The following PLXDC2 variants were observed in gnomAD, a reference collection of about 807,000 sequenced individuals.
The protein encoded by PLXDC2 is plexin domain-containing protein 2.
Under a neutral mutation model 68.9 loss-of-function variants are expected in PLXDC2, and 40 were observed. That is an observed-to-expected ratio of 0.58 (90% confidence interval 0.45 to 0.76). The LOEUF is 0.76. Ranked by LOEUF, PLXDC2 falls within the 30% of genes least tolerant of loss-of-function variation. The pLI is 0.00. For synonymous variants in PLXDC2, 243 were observed against 234.2 expected, an observed-to-expected ratio of 1.04 and a Z score of -0.34; for missense variants, 644 against 661.9, an observed-to-expected ratio of 0.97 and a Z score of 0.30.
chr10:20,057,183 A>G (rs1836013939), intron 3 of PLXDC2, among the ~76,000 whole-genome samples: 1 of 152,204 alleles, frequency 6.6e-6, no homozygotes, highest in Non-Finnish European at 1.5e-5. Context: ...TAAAGATTTT[A>G]CATGGCTCCT....
rs555663400 is a variant in PLXDC2 at position 20,178,439 on chromosome 10, A to G, written c.1061+1030A>G. 3.2e-4 allele frequency among the ~76,000 whole-genome samples: 49 copies of G among 152,224 alleles called. 1 individual carries two copies. In the South Asian group the frequency reaches 8.7e-3, roughly 27 times the overall value. On this transcript the variant is annotated intron_variant, in intron 9 of 13. Coordinates refer to ENST00000377252, the MANE Select transcript of PLXDC2 (RefSeq NM_032812.9). ...GAACACAGCAGTAAACAATATTGAC[A>G]TGGTCCCTGCCCCCCATGAAGTTTA...
chr10:20,072,504 A>AAAGAAAGAAAG (rs1491100314), intron 4 of PLXDC2, among the ~76,000 whole-genome samples: 5 of 89,660 alleles, frequency 5.6e-5, no homozygotes, highest in Middle Eastern at 4.6e-3. Context: ...AGAAAGAAAG[A>AAAGAAAGAAAG]AAGAAAGAAA....
chr10:19,927,713 C>CAAAA (rs35250324), intron 1 of PLXDC2, among the ~76,000 whole-genome samples: 438 of 53,090 alleles, frequency 8.3e-3, no homozygotes, highest in East Asian at 0.012. Flanking sequence ...GGAAAAAAAG[C>CAAAA]AAAAAAAAAA....
At chr10:19,869,474 G>T (rs1490672617) in intron 1 of PLXDC2, among the ~76,000 whole-genome samples, 7 of 126,368 alleles carry the variant, frequency 5.5e-5, no homozygotes, top group South Asian at 3.4e-4. Flanking sequence ...AGAAAGGGGG[G>T]GGGGGGAGAG....
At chr10:20,046,288 T>C (rs1835797131) in intron 2 of PLXDC2, among the ~76,000 whole-genome samples, 1 of 151,962 alleles carries the variant, frequency 6.6e-6, no homozygotes, top group Non-Finnish European at 1.5e-5. Flanking sequence ...TATTTAACAA[T>C]TTCCTCTAAA....
chr10:20,169,240 T>C (rs1028482424), intron 7 of PLXDC2, among the ~76,000 whole-genome samples: 9 of 152,192 alleles, frequency 5.9e-5, no homozygotes, highest in Non-Finnish European at 7.3e-5. Context: ...TTTGACAAAT[T>C]GCTTTCCATC....
chr10:19,932,502 GTTTA>G (rs772258375), intron 1 of PLXDC2, among the ~76,000 whole-genome samples: 4 of 152,232 alleles, frequency 2.6e-5, no homozygotes, highest in East Asian at 3.9e-4. Context: ...CTTCATTTAT[GTTTA>G]TTTGTTTCAC....
intron 4 of PLXDC2, among the ~76,000 whole-genome samples, chr10:20,095,547 T>C (rs1833339144): frequency 6.6e-6 from 1 of 152,142 alleles, no homozygotes. Context: ...TTTAAGATTT[T>C]AGGTAATTTG....
chr10:20,007,097 A>G (rs187553690), intron 2 of PLXDC2, among the ~76,000 whole-genome samples: 1 of 152,364 alleles, frequency 6.6e-6, no homozygotes, highest in Admixed American at 6.5e-5. Flanking sequence ...TTCAGGCAGG[A>G]TTGGATTCCA....
chr10:19,960,847 A>G (rs548710227), intron 1 of PLXDC2, among the ~76,000 whole-genome samples: 1 of 152,248 alleles, frequency 6.6e-6, no homozygotes. Context: ...TGCATAATCA[A>G]TTGGCATACA....
At chr10:19,988,647 A>G (rs1011996083) in intron 1 of PLXDC2, among the ~76,000 whole-genome samples, 26 of 152,068 alleles carry the variant, frequency 1.7e-4, no homozygotes, top group African/African-American at 5.6e-4. Context: ...CTCACTGTAC[A>G]GGGATAAAAT....
Position 20,279,724 on chromosome 10 carries a change from G to A in PLXDC2, c.1495G>A (p.Ala499Thr). ...FIERRPSRWP[A>T]MKFRRGSGHP... ...TCAGAGACGCCCAAGCAGATGGCCT[G>A]CGATGAAGTTTAGAAGAGGCTCTGG... The change falls in exon 14 of 14, where the codon GCG (alanine) becomes ACG (threonine). Residue 499 changes from alanine to threonine, a missense_variant. Coordinates refer to ENST00000377252, the MANE Select transcript of PLXDC2 (RefSeq NM_032812.9). 1 of 1,613,876 alleles carries A rather than the reference G, an allele frequency of 6.2e-7. No individual in the cohort carries two copies.
In PLXDC2 at chr10:20,072,816, A is replaced by C. The variant is rs137887862; in HGVS notation, c.541+4577A>C. ...ACTGTGGTTGGAAAGACTTCCAGACAAAAGGATCCACTAGGATGCAGTGAA... is the reference window on the plus strand; with the variant it reads ...ACTGTGGTTGGAAAGACTTCCAGACCAAAGGATCCACTAGGATGCAGTGAA... On this transcript the variant is annotated intron_variant, in intron 4 of 13. Coordinates refer to ENST00000377252, the MANE Select transcript of PLXDC2 (RefSeq NM_032812.9). Among the ~76,000 whole-genome samples the C allele has an allele frequency of 1.9e-3, 290 of 152,334 alleles. 1 individual carries two copies. The highest frequency in any genetic ancestry group is 6.6e-3 in the African/African-American group (276 of 41,580).
chr10:19,825,532 T>C (rs2131998662), intron 1 of PLXDC2, among the ~76,000 whole-genome samples: 1 of 152,188 alleles, frequency 6.6e-6, no homozygotes, highest in East Asian at 1.9e-4. Flanking sequence ...TCGATAATGT[T>C]TTTTGGGTAG....
intron 9 of PLXDC2, among the ~76,000 whole-genome samples, chr10:20,207,971 A>G (rs1196898891): frequency 6.6e-6 from 1 of 152,138 alleles, no homozygotes; most frequent in African/African-American, 2.4e-5. Flanking sequence ...GGGTTCTTAG[A>G]AAGAGCTATC....
intron 1 of PLXDC2, among the ~76,000 whole-genome samples, chr10:19,912,674 A>G (rs1390881641): frequency 3.3e-5 from 5 of 152,190 alleles, no homozygotes; most frequent in Admixed American, 6.5e-5. Context: ...AATAATTAAC[A>G]TTAGGAATAA....
chr10:19,905,410 C>T (rs12774164), intron 1 of PLXDC2, among the ~76,000 whole-genome samples: 1 of 152,054 alleles, frequency 6.6e-6, no homozygotes, highest in African/African-American at 2.4e-5. Context: ...TATTATTTCT[C>T]CTAACTGGGT....
At chr10:20,115,994 G>A (rs1435186165) in intron 4 of PLXDC2, among the ~76,000 whole-genome samples, 1 of 152,150 alleles carries the variant, frequency 6.6e-6, no homozygotes, top group Non-Finnish European at 1.5e-5. Flanking sequence ...GATAGAAAGT[G>A]GAATTTTTAA....
intron 2 of PLXDC2, among the ~76,000 whole-genome samples, chr10:20,034,141 T>C (rs1280860367): frequency 3.9e-5 from 6 of 152,206 alleles, no homozygotes; most frequent in Non-Finnish European, 7.3e-5. Context: ...ATTATAAGTT[T>C]GAAAACAATC....
Sources: gnomAD v4.1 joint callset for allele counts (sites outside exome capture counted in the v4.1 genomes callset) on GRCh38, gnomAD v4.1.1 for gene constraint, MANE v1.5 for transcripts, NCBI Gene and HGNC (gene_info 2026-07-23, HGNC 2026-07-21) for gene names.